Variants in NALF1 observed in about 807,000 individuals in gnomAD.
The protein encoded by NALF1 is NALCN channel auxiliary factor 1.
NALF1 carries 3 observed loss-of-function variants against 48.4 expected under a neutral mutation model. That is an observed-to-expected ratio of 0.06 (90% CI 0.03 to 0.16). NALF1 has a LOEUF of 0.16. Ranked by LOEUF, NALF1 falls within the 10% of genes least tolerant of loss-of-function variation. The pLI is 1.00. For synonymous variants in NALF1, 262 were observed against 245.7 expected (o/e 1.07, Z -0.62); for missense variants, 526 against 571.5 (o/e 0.92, Z 0.81).
intron 1 of NALF1, among the ~76,000 whole-genome samples, chr13:107,612,932 T>A (rs1397989482): frequency 6.6e-6 from 1 of 152,062 alleles, no homozygotes; most frequent in Non-Finnish European, 1.5e-5. Context: ...TTGGCTCCAT[T>A]TCTTTGGAGA....
At chr13:107,747,080 A>C (rs1009427633) in intron 1 of NALF1, among the ~76,000 whole-genome samples, 1 of 152,190 alleles carries the variant, frequency 6.6e-6, no homozygotes, top group Admixed American at 6.5e-5. Flanking sequence ...ACTGGAATGG[A>C]ATACCAGTGA....
intron 1 of NALF1, among the ~76,000 whole-genome samples, chr13:107,484,454 G>A (rs1405632275): frequency 2.0e-5 from 3 of 152,064 alleles, no homozygotes; most frequent in Admixed American, 1.3e-4. Context: ...CAGTTTGGCA[G>A]GGGAAGAATA....
At chr13:107,502,443 T>C (rs577480935) in intron 1 of NALF1, among the ~76,000 whole-genome samples, 2 of 152,178 alleles carry the variant, frequency 1.3e-5, no homozygotes, top group Admixed American at 6.6e-5. Flanking sequence ...GTAAGCTACA[T>C]TGAAGGATTT....
At chr13:107,414,309 C>A (rs1884046686) in intron 1 of NALF1, among the ~76,000 whole-genome samples, 1 of 151,242 alleles carries the variant, frequency 6.6e-6, no homozygotes, top group Non-Finnish European at 1.5e-5. Context: ...AGTTTTCTTT[C>A]TTTTCTTCTT....
At chr13:107,551,476 T>C (rs1283128291) in intron 1 of NALF1, among the ~76,000 whole-genome samples, 2 of 152,166 alleles carry the variant, frequency 1.3e-5, no homozygotes, top group African/African-American at 2.4e-5. Flanking sequence ...AGATACAATA[T>C]CTGCAATTCA....
intron 1 of NALF1, among the ~76,000 whole-genome samples, chr13:107,857,835 G>A (rs897021500): frequency 6.6e-6 from 1 of 152,104 alleles, no homozygotes; most frequent in Non-Finnish European, 1.5e-5. Context: ...TCTCAAGTGA[G>A]GACTATATTA....
chr13:107,449,634 T>C (rs1174414124), intron 1 of NALF1, among the ~76,000 whole-genome samples: 1 of 151,522 alleles, frequency 6.6e-6, no homozygotes, highest in East Asian at 2.0e-4. Flanking sequence ...TTGGGGAACC[T>C]GGAGGTTAAG....
chr13:107,464,552 C>T (rs1884970235), intron 1 of NALF1, among the ~76,000 whole-genome samples: 1 of 151,764 alleles, frequency 6.6e-6, no homozygotes. Context: ...CGGAGTTTCA[C>T]TCTTGTTGCC....
chr13:107,456,257 A>AT (rs1300587017), intron 1 of NALF1, among the ~76,000 whole-genome samples: 1 of 152,126 alleles, frequency 6.6e-6, no homozygotes, highest in Non-Finnish European at 1.5e-5. Context: ...ACAACTTATT[A>AT]TTTTTTCTGT....
intron 1 of NALF1, among the ~76,000 whole-genome samples, chr13:107,690,622 G>C (rs1881544344): frequency 1.3e-5 from 2 of 152,192 alleles, no homozygotes; most frequent in Admixed American, 6.5e-5. Flanking sequence ...AGGTAGGATA[G>C]AGTGTTAATG....
rs768259719 is a variant in NALF1, at chr13:107,170,365, G to A, written c.*132C>T. ...TCCTTGTTTGGATTCAGGCCCATCT[G>A]TTTAAATTTTACCCTAAAGGCCTTG... is the stretch of plus-strand genomic sequence containing the variant. On this transcript the variant is annotated 3_prime_UTR_variant, in exon 3 of 3. Coordinates refer to ENST00000375915, the MANE Select transcript of NALF1 (RefSeq NM_001080396.3). The A allele has an allele frequency of 4.6e-5, 37 of 812,288 alleles. No homozygotes were observed. Among genetic ancestry groups the A allele is most frequent in the Non-Finnish European group, 6.5e-5 (34 of 526,938 alleles). The allele number at this position is 812,288 out of a possible 1,614,324, so 50.3% of individuals were successfully genotyped here. A position where few individuals can be genotyped will look rare whatever the true frequency, so the allele number is the denominator to read the frequency against.
chr13:107,419,391 C>G (rs1034698547), intron 1 of NALF1, among the ~76,000 whole-genome samples: 13 of 152,180 alleles, frequency 8.5e-5, no homozygotes, highest in African/African-American at 3.1e-4. Flanking sequence ...ATGATTCACA[C>G]AATATCGCTG....
intron 1 of NALF1, among the ~76,000 whole-genome samples, chr13:107,588,952 G>T (rs1206751542): frequency 6.6e-6 from 1 of 152,196 alleles, no homozygotes; most frequent in East Asian, 1.9e-4. Context: ...CAAAGGTTAA[G>T]ACACATTTCT....
intron 1 of NALF1, among the ~76,000 whole-genome samples, chr13:107,305,902 T>A (rs768989023): frequency 6.6e-6 from 1 of 152,216 alleles, no homozygotes; most frequent in Non-Finnish European, 1.5e-5. Flanking sequence ...CACCAGAACA[T>A]CCATTTGTCA....
intron 1 of NALF1, among the ~76,000 whole-genome samples, chr13:107,858,663 G>A (rs985416624): frequency 2.0e-5 from 3 of 152,080 alleles, no homozygotes; most frequent in Non-Finnish European, 4.4e-5. Context: ...CTCCAGCCTG[G>A]GCAACAGAGT....
chr13:107,462,551 GC>G (rs1251614332), intron 1 of NALF1, among the ~76,000 whole-genome samples: 1 of 152,180 alleles, frequency 6.6e-6, no homozygotes, highest in African/African-American at 2.4e-5. Context: ...AACTCAGCAG[GC>G]CCAGGCTGCC....
chr13:107,776,322 T>C (rs1415319774), intron 1 of NALF1, among the ~76,000 whole-genome samples: 5 of 152,164 alleles, frequency 3.3e-5, no homozygotes, highest in Non-Finnish European at 7.3e-5. Flanking sequence ...GTACCTTGGT[T>C]TCCTCATCTG....
At chr13:107,783,739 G>A (rs1259219725) in intron 1 of NALF1, among the ~76,000 whole-genome samples, 5 of 151,622 alleles carry the variant, frequency 3.3e-5, no homozygotes, top group Middle Eastern at 3.4e-3. Context: ...AAGGCCGCAG[G>A]GTCCTCTGCC....
At chr13:107,557,391 G>GGA (rs1248015831) in intron 1 of NALF1, among the ~76,000 whole-genome samples, 1 of 152,158 alleles carries the variant, frequency 6.6e-6, no homozygotes, top group Non-Finnish European at 1.5e-5. Flanking sequence ...TGGAAACTTT[G>GGA]GAAAGGGGAT....
Sources: allele counts gnomAD v4.1 joint callset (sites outside exome capture counted in the v4.1 genomes callset), GRCh38; gene constraint gnomAD v4.1.1; transcripts MANE v1.5; gene names NCBI Gene and HGNC (gene_info 2026-07-23, HGNC 2026-07-21).